Variants in SH3RF2 observed in about 807,000 individuals in gnomAD.
The protein encoded by SH3RF2 is E3 ubiquitin-protein ligase SH3RF2.
Under a neutral mutation model 59.0 loss-of-function variants are expected in SH3RF2, and 43 were observed. The ratio of observed to expected loss-of-function variants is 0.73; its 90% CI spans 0.57 to 0.94. The LOEUF is 0.94. Among genes scored for constraint, SH3RF2 ranks in the 40% least tolerant of loss-of-function variants. The pLI is 0.00. For synonymous variants in SH3RF2, 391 were observed against 391.5 expected, an observed-to-expected ratio of 1.00 and a Z score of 0.01; for missense variants, 930 against 940.1, an observed-to-expected ratio of 0.99 and a Z score of 0.14.
chr5:145,938,013 C>A lies in SH3RF2; in HGVS notation c.85C>A (p.Gln29Lys), dbSNP rs777346721. 1.2e-6 allele frequency: 2 copies of A among 1,614,212 alleles called. No homozygotes were observed. The highest frequency in any genetic ancestry group is 3.3e-5 in the Admixed American group (2 of 60,028). ...TGTCACAGCCAAAGTCCTCCCTTGC[C>A]AGCACACCTTCTGCAAACCATGTCT... ...LDVTAKVLPCQHTFCKPCLQR... is the reference protein window; with the variant it reads ...LDVTAKVLPCKHTFCKPCLQR... Residue 29 changes from glutamine (Q) to lysine (K), a missense_variant, in exon 2 of 10, where the codon CAG (glutamine) becomes AAG (lysine). By Grantham distance (53) the Gln-to-Lys change is moderately conservative (BLOSUM62 1). Transcript: ENST00000359120.
rs190574011 is a variant in SH3RF2, at chr5:146,047,726, T to C, written c.1060-46T>C. 2.4e-4 allele frequency: 375 copies of C among 1,581,640 alleles called. 2 individuals are homozygous for C. The African/African-American group carries it at 4.6e-3, about 19-fold the overall frequency. On this transcript the variant is annotated intron_variant, in intron 5 of 9. Coordinates refer to ENST00000359120, the MANE Select transcript of SH3RF2 (RefSeq NM_152550.4). ...TGCTCTGTTTGCTGTGGGCCTGGGT[T>C]GTGGCATTCATTGGTTCTGCTTGGC...
At chr5:146,075,818 G>T (rs1250967065) in intron 9 of SH3RF2, among the ~76,000 whole-genome samples, 1 of 137,488 alleles carries the variant, frequency 7.3e-6, no homozygotes, top group Non-Finnish European at 1.6e-5. Context: ...GGATGAAAAA[G>T]CTATCTCCAG....
At chr5:145,939,465 C>G (rs1757727128) in intron 2 of SH3RF2, among the ~76,000 whole-genome samples, 1 of 152,130 alleles carries the variant, frequency 6.6e-6, no homozygotes, top group Non-Finnish European at 1.5e-5. Context: ...TAAGAGCTAC[C>G]ACTTCCTGGG....
intron 5 of SH3RF2, among the ~76,000 whole-genome samples, chr5:146,033,806 C>T (rs1261262714): frequency 2.0e-5 from 3 of 152,120 alleles, no homozygotes; most frequent in South Asian, 2.1e-4. Context: ...ATGACACCCA[C>T]GTTTTGTGGA....
chr5:145,958,725 C>G (rs1164136394), intron 2 of SH3RF2, among the ~76,000 whole-genome samples: 3 of 152,184 alleles, frequency 2.0e-5, no homozygotes, highest in Non-Finnish European at 4.4e-5. Context: ...GGTTTCCTGA[C>G]TCTCGGTCCA....
At chr5:146,062,202 G>A (rs1762920782) in intron 9 of SH3RF2, among the ~76,000 whole-genome samples, 1 of 152,106 alleles carries the variant, frequency 6.6e-6, no homozygotes, top group African/African-American at 2.4e-5. Flanking sequence ...TCAATTTAAA[G>A]CTTCTGGGAA....
chr5:146,013,254 G>A lies in SH3RF2; in HGVS notation c.745-493G>A, dbSNP rs1048049510. The stretch of plus-strand genomic sequence containing the variant: ...GGTCCCTGCAACCCAGATAGCTAAC[G>A]GACTAGTGGGGGAAAGGCAAGTAAA... On this transcript the variant is annotated intron_variant, in intron 4 of 9. Coordinates refer to ENST00000359120, the MANE Select transcript of SH3RF2 (RefSeq NM_152550.4). Among the ~76,000 whole-genome samples, 15 of 152,204 alleles carry A rather than the reference G, an allele frequency of 9.9e-5. 1 individual carries two copies. The South Asian group carries it at 1.5e-3, about 15-fold the overall frequency.
intron 2 of SH3RF2, 36 bp from the exon 3 acceptor site, chr5:146,000,022 G>T: frequency 2.5e-6 from 4 of 1,601,946 alleles, no homozygotes; most frequent in Non-Finnish European, 3.4e-6. Flanking sequence ...TAGACTCTAA[G>T]CTAAGTACAT....
chr5:146,011,140 G>A (rs145915956), intron 4 of SH3RF2, among the ~76,000 whole-genome samples: 19 of 152,188 alleles, frequency 1.2e-4, no homozygotes, highest in African/African-American at 4.3e-4. Flanking sequence ...ATAGGGAATC[G>A]TTTCCCCATT....
intron 5 of SH3RF2, among the ~76,000 whole-genome samples, chr5:146,016,095 CA>C (rs1253832010): frequency 6.6e-6 from 1 of 152,086 alleles, no homozygotes; most frequent in Admixed American, 6.6e-5. Flanking sequence ...ATCAAGGAAT[CA>C]AGACTTTTAA....
chr5:146,056,243 G>A, intron 8 of SH3RF2, 30 bp downstream of exon 8: 1 of 1,613,782 alleles, frequency 6.2e-7, no homozygotes, highest in Non-Finnish European at 8.5e-7. Context: ...TACGTGCCTA[G>A]AGCTAAGTGA....
intron 5 of SH3RF2, among the ~76,000 whole-genome samples, chr5:146,030,543 G>A (rs1247680543): frequency 2.6e-5 from 4 of 152,108 alleles, no homozygotes; most frequent in Non-Finnish European, 2.9e-5. Flanking sequence ...ATCTGTCTAC[G>A]TCTGTAGAGA....
intron 4 of SH3RF2, among the ~76,000 whole-genome samples, chr5:146,010,311 C>T (rs1001584754): frequency 2.0e-5 from 3 of 152,304 alleles, no homozygotes; most frequent in African/African-American, 7.2e-5. Flanking sequence ...CAAGTCTTTG[C>T]TATTGTGAAT....
chr5:145,976,376 G>A (rs1759294818), intron 2 of SH3RF2, among the ~76,000 whole-genome samples: 1 of 151,326 alleles, frequency 6.6e-6, no homozygotes, highest in Non-Finnish European at 1.5e-5. Context: ...CCCAGTTCTG[G>A]ACCCACAACA....
chr5:146,025,932 C>A (rs1761515866), intron 5 of SH3RF2, among the ~76,000 whole-genome samples: 1 of 152,180 alleles, frequency 6.6e-6, no homozygotes, highest in Non-Finnish European at 1.5e-5. Flanking sequence ...GCAATGGTAG[C>A]AATAACTCAA....
intron 9 of SH3RF2, among the ~76,000 whole-genome samples, chr5:146,071,221 G>A (rs567251096): frequency 3.3e-5 from 5 of 152,290 alleles, no homozygotes; most frequent in African/African-American, 1.2e-4. Flanking sequence ...CAAATAAATA[G>A]TGCCTTCAAA....
intron 2 of SH3RF2, among the ~76,000 whole-genome samples, chr5:145,982,537 T>C (rs920751219): frequency 6.6e-6 from 1 of 152,168 alleles, no homozygotes; most frequent in Non-Finnish European, 1.5e-5. Flanking sequence ...AAGAAATTGA[T>C]ATTTGGGGGT....
At chr5:146,057,284 C>T (rs1762704579) in intron 8 of SH3RF2, among the ~76,000 whole-genome samples, 1 of 152,152 alleles carries the variant, frequency 6.6e-6, no homozygotes, top group African/African-American at 2.4e-5. Flanking sequence ...GACTACCAGT[C>T]CCATGACTCT....
chr5:146,014,135 T>G, intron 5 of SH3RF2, 74 bp downstream of exon 5: 2 of 1,530,004 alleles, frequency 1.3e-6, no homozygotes, highest in South Asian at 2.3e-5. Flanking sequence ...CAACCAATAT[T>G]TGATGTTTAG....
Sources: gnomAD v4.1 joint callset for allele counts (sites outside exome capture counted in the v4.1 genomes callset) on GRCh38, gnomAD v4.1.1 for gene constraint, MANE v1.5 for transcripts, NCBI Gene and HGNC (gene_info 2026-07-23, HGNC 2026-07-21) for gene names.